MDGA2: variants seen among roughly 807,000 people sequenced by gnomAD.
MDGA2 encodes MAM domain-containing glycosylphosphatidylinositol anchor protein 2.
In MDGA2, 40 loss-of-function variants were observed where a neutral mutation model predicts 117.8. The observed-to-expected ratio is 0.34, with a 90% CI of 0.26 to 0.44. The LOEUF (loss-of-function observed/expected upper bound fraction) is 0.44, where lower values mean the gene tolerates loss of function less well. Ranked by LOEUF, MDGA2 falls within the 20% of genes least tolerant of loss-of-function variation. The pLI is 1.00. For missense variants in MDGA2, 1,123 were observed against 1,250.6 expected, an observed-to-expected ratio of 0.90 and a Z score of 1.54; for synonymous variants, 452 against 439.0, an observed-to-expected ratio of 1.03 and a Z score of -0.37.
intron 5 of MDGA2, among the ~76,000 whole-genome samples, chr14:47,111,022 GA>G (rs958165741): frequency 3.3e-5 from 5 of 151,780 alleles, no homozygotes; most frequent in African/African-American, 1.2e-4. Flanking sequence ...GGAGATGTTA[GA>G]AAAAAAACAG....
intron 10 of MDGA2, among the ~76,000 whole-genome samples, chr14:46,897,009 G>C (rs1351906454): frequency 6.6e-6 from 1 of 152,094 alleles, no homozygotes; most frequent in Non-Finnish European, 1.5e-5. Flanking sequence ...ATATCCAGTA[G>C]GGTTCTTTGT....
At chr14:47,227,771 T>G (rs1162842963) in intron 2 of MDGA2, among the ~76,000 whole-genome samples, 1 of 152,170 alleles carries the variant, frequency 6.6e-6, no homozygotes, top group Non-Finnish European at 1.5e-5. Context: ...TAGAATGAGT[T>G]TAGTCTATTT....
intron 1 of MDGA2, among the ~76,000 whole-genome samples, chr14:47,605,332 A>G (rs1270869304): frequency 6.6e-6 from 1 of 152,216 alleles, no homozygotes; most frequent in Non-Finnish European, 1.5e-5. Context: ...GTGTGTTTGT[A>G]TATGTGTGCA....
chr14:47,126,154 A>G (rs1881892175), intron 5 of MDGA2, among the ~76,000 whole-genome samples: 1 of 152,036 alleles, frequency 6.6e-6, no homozygotes, highest in Admixed American at 6.6e-5. Context: ...TTACCAATCA[A>G]GGGAGTATAT....
In MDGA2 at chr14:47,151,414, A is replaced by G. The variant is rs548177677; in HGVS notation, c.596-7140T>C. The stretch of plus-strand genomic sequence containing the variant: ...TCCAGGAAGAAAAAGCACCTGCTAC[A>G]GAGTTTTATGATAAGGACTTGAAGT... On this transcript the variant is annotated intron_variant, in intron 3 of 16. Transcript: ENST00000399232. Among the ~76,000 whole-genome samples, 4 of 152,334 alleles carry G rather than the reference A, an allele frequency of 2.6e-5. No homozygotes were observed. In the East Asian group the frequency reaches 7.7e-4, roughly 29 times the overall value.
intron 10 of MDGA2, among the ~76,000 whole-genome samples, chr14:46,900,678 A>C (rs919323656): frequency 1.3e-5 from 2 of 152,132 alleles, no homozygotes; most frequent in Non-Finnish European, 2.9e-5. Flanking sequence ...GATGAGGAGG[A>C]AATTAGTGGT....
At chr14:47,512,634 T>A (rs1038513093) in intron 1 of MDGA2, among the ~76,000 whole-genome samples, 6 of 152,188 alleles carry the variant, frequency 3.9e-5, no homozygotes, top group Non-Finnish European at 5.9e-5. Flanking sequence ...TGTGAAATAC[T>A]AATTTAAATC....
chr14:47,228,451 T>C (rs955150611), intron 2 of MDGA2, among the ~76,000 whole-genome samples: 1 of 152,130 alleles, frequency 6.6e-6, no homozygotes, highest in African/African-American at 2.4e-5. Flanking sequence ...TTTGATCTTT[T>C]CAATAAATTA....
intron 3 of MDGA2, among the ~76,000 whole-genome samples, chr14:47,159,370 A>T (rs1883537608): frequency 6.6e-6 from 1 of 152,184 alleles, no homozygotes; most frequent in Non-Finnish European, 1.5e-5. Flanking sequence ...AATTCCTCCA[A>T]GGTAGAGCTC....
At chr14:47,430,767 T>C (rs2138526147) in intron 1 of MDGA2, among the ~76,000 whole-genome samples, 1 of 152,238 alleles carries the variant, frequency 6.6e-6, no homozygotes, top group East Asian at 1.9e-4. Flanking sequence ...ATCTCATTCA[T>C]TTAAATATTG....
chr14:47,672,993 GT>G (rs1314826745), intron 1 of MDGA2, among the ~76,000 whole-genome samples: 1 of 152,118 alleles, frequency 6.6e-6, no homozygotes, highest in Non-Finnish European at 1.5e-5. Flanking sequence ...CACGAGACAA[GT>G]TGTCTTTCAC....
In MDGA2 at chr14:47,096,991, A is replaced by G; in HGVS notation, c.1058T>C (p.Leu353Pro). 1.2e-6 allele frequency: 2 copies of G among 1,613,410 alleles called. No homozygotes were observed. Among genetic ancestry groups the G allele is most frequent in the South Asian group, 2.2e-5 (2 of 91,068 alleles). The change falls in exon 6 of 17, where the codon CTG (leucine) becomes CCG (proline). Residue 353 changes from leucine to proline, a missense_variant. Transcript: ENST00000399232. The stretch of plus-strand genomic sequence containing the variant: ...TCCATTCAAAACAGTCTTTTCAGGC[A>G]GAGTCCCAAAGGACCTGACCCAGGT... ...SLTWVRSFGT[L>P]PEKTVLNGGT...
rs573492162 is a variant in MDGA2 at position 47,331,492 on chromosome 14, T to A, written c.281-29942A>T. Among the ~76,000 whole-genome samples the A allele has an allele frequency of 2.2e-4, 33 of 151,908 alleles. No individual in the cohort carries two copies. The South Asian group carries it at 6.2e-3, about 29-fold the overall frequency. Reference sequence around the variant, plus strand: ...TTAGTTTAGCTTATACACATAGACATCTGAAAAAGTTCCTTTCACAATGCT... The same window carrying A: ...TTAGTTTAGCTTATACACATAGACAACTGAAAAAGTTCCTTTCACAATGCT... On this transcript the variant is annotated intron_variant, in intron 1 of 16. Transcript: ENST00000399232.
chr14:47,573,794 G>GT (rs775303802), intron 1 of MDGA2, among the ~76,000 whole-genome samples: 20 of 152,112 alleles, frequency 1.3e-4, no homozygotes, highest in Non-Finnish European at 2.9e-4. Flanking sequence ...TGGAAGGAGT[G>GT]TTTTACAACT....
Position 47,239,185 on chromosome 14 carries a change from C to A in MDGA2, c.421-20990G>T, listed in dbSNP as rs1045322509. 9.3e-5 allele frequency among the ~76,000 whole-genome samples: 14 copies of A among 150,388 alleles called. No individual in the cohort carries two copies. In the East Asian group the frequency reaches 2.5e-3, roughly 27 times the overall value. On this transcript the variant is annotated intron_variant, in intron 2 of 16. Coordinates refer to ENST00000399232, the MANE Select transcript of MDGA2 (RefSeq NM_001113498.3). The stretch of plus-strand genomic sequence containing the variant: ...GGGGAAACAAAACATATTATGTGAC[C>A]CTGACGACCGTAACCTTTACGAAAG...
At chr14:47,240,942 A>G (rs1004580236) in intron 2 of MDGA2, among the ~76,000 whole-genome samples, 3 of 151,864 alleles carry the variant, frequency 2.0e-5, no homozygotes, top group Non-Finnish European at 2.9e-5. Flanking sequence ...AAATTTGGAA[A>G]TGTTATGCAT....
chr14:47,043,089 G>C (rs1889134835), intron 7 of MDGA2, among the ~76,000 whole-genome samples: 1 of 151,932 alleles, frequency 6.6e-6, no homozygotes, highest in African/African-American at 2.4e-5. Context: ...AAACTAATAT[G>C]CTTGACCCAT....
At chr14:47,303,953 T>C (rs1387180974) in intron 1 of MDGA2, among the ~76,000 whole-genome samples, 6 of 152,152 alleles carry the variant, frequency 3.9e-5, no homozygotes, top group African/African-American at 1.2e-4. Flanking sequence ...CACTGTGACA[T>C]TTACAAGGGT....
chr14:47,556,176 G>A (rs577540536), intron 1 of MDGA2, among the ~76,000 whole-genome samples: 82 of 152,112 alleles, frequency 5.4e-4, no homozygotes, highest in African/African-American at 1.9e-3. Context: ...CTTCTAAGTT[G>A]GTTCTGTCAT....
Sources: allele counts gnomAD v4.1 joint callset (sites outside exome capture counted in the v4.1 genomes callset), GRCh38; gene constraint gnomAD v4.1.1; transcripts MANE v1.5; gene names NCBI Gene and HGNC (gene_info 2026-07-23, HGNC 2026-07-21).